FOXK2: variants seen among roughly 807,000 people sequenced by gnomAD.
The protein encoded by FOXK2 is forkhead box K2, also known as forkhead box protein K2.
In FOXK2, 24 loss-of-function variants were observed where a neutral mutation model predicts 53.3. The observed-to-expected ratio is 0.45, with a 90% CI of 0.33 to 0.63. The LOEUF is 0.63. Ranked by LOEUF, FOXK2 falls within the 30% of genes least tolerant of loss-of-function variation. The pLI is 0.03. For synonymous variants in FOXK2, 505 were observed against 407.1 expected, an observed-to-expected ratio of 1.24 and a Z score of -2.89; for missense variants, 952 against 910.5, an observed-to-expected ratio of 1.05 and a Z score of -0.59.
rs550365340 is a variant in FOXK2 at position 82,576,560 on chromosome 17, G to T, written c.909+4690G>T. 102 of 736,272 alleles carry T rather than the reference G, an allele frequency of 1.4e-4. No homozygotes were observed. In the African/African-American group the frequency reaches 1.6e-3, roughly 12 times the overall value. 45.6% of individuals were successfully genotyped at this position (736,272 alleles called of 1,614,324 possible). ...TATTCTGTCATCATGAGCTGAGCCT[G>T]TTGGGCTGGTGACATCCAGAATGTT... On this transcript the variant is annotated intron_variant, in intron 4 of 8. Transcript: ENST00000335255.
rs975972200 is a variant in FOXK2 at position 82,601,500 on chromosome 17, C to T, written c.*1C>T. On this transcript the variant is annotated 3_prime_UTR_variant, in exon 9 of 9. Transcript: ENST00000335255. ...AAGGGAAAAGGGTGTCCAGAACTAGCGACCGGGAGAGCTTTTCTTTAACGA... is the reference window on the plus strand; with the variant it reads ...AAGGGAAAAGGGTGTCCAGAACTAGTGACCGGGAGAGCTTTTCTTTAACGA... The T allele has an allele frequency of 5.0e-6, 8 of 1,595,808 alleles. No homozygotes were observed. The highest frequency in any genetic ancestry group is 1.3e-5 in the African/African-American group (1 of 74,556).
chr17:82,562,223 C>CTTAATG (rs1330145916), intron 1 of FOXK2, among the ~76,000 whole-genome samples: 1 of 152,186 alleles, frequency 6.6e-6, no homozygotes, highest in Non-Finnish European at 1.5e-5. Flanking sequence ...TCCCCTGTAG[C>CTTAATG]TTAATGTCCC....
intron 1 of FOXK2, among the ~76,000 whole-genome samples, chr17:82,542,807 A>G (rs1166098684): frequency 3.3e-5 from 5 of 152,088 alleles, no homozygotes; most frequent in Non-Finnish European, 5.9e-5. Context: ...AGTTGAGGAC[A>G]GGAGTTCGAG....
chr17:82,584,689 C>T (rs1010021726), intron 6 of FOXK2, among the ~76,000 whole-genome samples: 1 of 151,546 alleles, frequency 6.6e-6, no homozygotes, highest in Non-Finnish European at 1.5e-5. Context: ...ACTACAGGCA[C>T]ACACCACCAC....
intron 8 of FOXK2, among the ~76,000 whole-genome samples, chr17:82,590,852 G>A (rs1051369056): frequency 5.9e-5 from 9 of 152,144 alleles, no homozygotes; most frequent in Admixed American, 5.2e-4. Context: ...GTGCAGGGAG[G>A]GACTGCACAG....
intron 1 of FOXK2, among the ~76,000 whole-genome samples, chr17:82,550,960 A>G (rs1221852354): frequency 6.6e-6 from 1 of 152,226 alleles, no homozygotes; most frequent in Non-Finnish European, 1.5e-5. Context: ...CTTGCAAGCC[A>G]GTACTGAGCC....
In FOXK2 at chr17:82,584,243, G is replaced by A. The variant is rs1188286781; in HGVS notation, c.1279+55G>A. 7 of 1,484,442 alleles carry A rather than the reference G, an allele frequency of 4.7e-6. No homozygotes were observed. In the East Asian group the frequency reaches 1.0e-4, roughly 21 times the overall value. 92.0% of individuals were successfully genotyped at this position (1,484,442 alleles called of 1,614,324 possible). A position where few individuals can be genotyped will look rare whatever the true frequency, so the allele number is the denominator to read the frequency against. ...CCAACAGCGTGAGCCAGACGCGGAC[G>A]CCTGGGCTCCACAGAGAAGAAACAG... On this transcript the variant is annotated intron_variant, in intron 6 of 8. Transcript: ENST00000335255.
chr17:82,549,085 C>T (rs544267516), intron 1 of FOXK2, among the ~76,000 whole-genome samples: 6 of 152,352 alleles, frequency 3.9e-5, no homozygotes, highest in African/African-American at 9.6e-5. Context: ...GTCTAAAACA[C>T]ATCCCGAATG....
intron 1 of FOXK2, among the ~76,000 whole-genome samples, chr17:82,541,465 G>T (rs1003067664): frequency 6.6e-6 from 1 of 152,008 alleles, no homozygotes; most frequent in African/African-American, 2.4e-5. Flanking sequence ...TAGAGACGGG[G>T]TTTAACCATG....
At chr17:82,540,360 T>G (rs2044562743) in intron 1 of FOXK2, among the ~76,000 whole-genome samples, 1 of 152,102 alleles carries the variant, frequency 6.6e-6, no homozygotes, top group Admixed American at 6.6e-5. Flanking sequence ...GAGATTTTGG[T>G]GTTAATGACT....
intron 7 of FOXK2, 149 bp from the exon 8 acceptor site, chr17:82,586,914 A>C (rs2045183206): frequency 1.3e-6 from 1 of 754,860 alleles, no homozygotes; most frequent in Non-Finnish European, 2.1e-6. Flanking sequence ...AACAAAAAAA[A>C]GATTTGCTCA....
At chr17:82,525,155 T>A (rs1372035204) in intron 1 of FOXK2, among the ~76,000 whole-genome samples, 1 of 151,952 alleles carries the variant, frequency 6.6e-6, no homozygotes, top group East Asian at 1.9e-4. Flanking sequence ...TTTGTATTTG[T>A]ATTTTATTTA....
At position 82,587,044 on chromosome 17, in the gene FOXK2, T is replaced by C; in HGVS notation, c.1577-19T>C. 1 of 1,610,046 alleles carries C rather than the reference T, an allele frequency of 6.2e-7. No individual in the cohort carries two copies. The highest frequency in any genetic ancestry group is 8.5e-7 in the Non-Finnish European group (1 of 1,177,770). Reference sequence around the variant, plus strand: ...GCTTTCCAGTAATATTAATGTCGTTTCTTTTCCTTTAATTTCAGTGAAAGT... The same window carrying C: ...GCTTTCCAGTAATATTAATGTCGTTCCTTTTCCTTTAATTTCAGTGAAAGT... On this transcript the variant is annotated intron_variant, in intron 7 of 8. Coordinates refer to ENST00000335255, the MANE Select transcript of FOXK2 (RefSeq NM_004514.4).
chr17:82,564,627 G>T (rs2044834186), intron 2 of FOXK2, among the ~76,000 whole-genome samples: 1 of 151,268 alleles, frequency 6.6e-6, no homozygotes, highest in Admixed American at 6.6e-5. Flanking sequence ...TTTTTAGAGA[G>T]CCCACAGCCT....
At chr17:82,548,232 A>C (rs1184059391) in intron 1 of FOXK2, among the ~76,000 whole-genome samples, 1 of 152,216 alleles carries the variant, frequency 6.6e-6, no homozygotes, top group Non-Finnish European at 1.5e-5. Flanking sequence ...CAGTTGCACC[A>C]GTTTGTATTC....
rs2143195068 is a variant in FOXK2 at position 82,603,305 on chromosome 17, T to C, written c.*1806T>C. The C allele has an allele frequency of 6.6e-6, 1 of 152,374 alleles. No individual in the cohort carries two copies. Among genetic ancestry groups the C allele is most frequent in the Non-Finnish European group, 1.5e-5 (1 of 68,068 alleles). 9.4% of individuals were successfully genotyped at this position (152,374 alleles called of 1,614,324 possible). On this transcript the variant is annotated 3_prime_UTR_variant, in exon 9 of 9. Transcript: ENST00000335255. ...AGATACCTTGGAATGTATATTTTTG[T>C]CTTCTTACTCAGAAGGTTTGCAGTT... is the stretch of plus-strand genomic sequence containing the variant.
rs181468133 is a variant in FOXK2, at chr17:82,586,980, A to C, written c.1577-83A>C. 20 of 1,247,774 alleles carry C rather than the reference A, an allele frequency of 1.6e-5. 1 individual carries two copies. In the Admixed American group the frequency reaches 3.3e-4, roughly 21 times the overall value. The allele number at this position is 1,247,774 out of a possible 1,614,324, so 77.3% of individuals were successfully genotyped here. A position where few individuals can be genotyped will look rare whatever the true frequency, so the allele number is the denominator to read the frequency against. Reference sequence around the variant, plus strand: ...ACATTTTCTAGCAGGTGTGATAGCTATCTGGTTATTATGTTTTAAACTGGC... The same window carrying C: ...ACATTTTCTAGCAGGTGTGATAGCTCTCTGGTTATTATGTTTTAAACTGGC... On this transcript the variant is annotated intron_variant, in intron 7 of 8. Transcript: ENST00000335255.
intron 8 of FOXK2, chr17:82,593,298 G>A (rs1208861372): frequency 6.7e-6 from 1 of 149,540 alleles, no homozygotes; most frequent in Non-Finnish European, 1.5e-5. Context: ...AGGTCTCCCT[G>A]TACCGGGCAC....
intron 1 of FOXK2, among the ~76,000 whole-genome samples, chr17:82,545,654 T>C (rs531823866): frequency 6.6e-6 from 1 of 151,268 alleles, no homozygotes; most frequent in Non-Finnish European, 1.5e-5. Context: ...CGATCTTGGC[T>C]CACTGCAACC....
Sources: allele counts gnomAD v4.1 joint callset (sites outside exome capture counted in the v4.1 genomes callset), GRCh38; gene constraint gnomAD v4.1.1; transcripts MANE v1.5; gene names NCBI Gene and HGNC (gene_info 2026-07-23, HGNC 2026-07-21).